STK10: variants seen among roughly 807,000 people sequenced by gnomAD.
STK10 encodes the protein serine/threonine kinase 10.
Under a neutral mutation model 113.8 loss-of-function variants are expected in STK10, and 78 were observed. The ratio of observed to expected loss-of-function variants is 0.69; its 90% CI spans 0.57 to 0.83. The LOEUF is 0.83. Among genes scored for constraint, STK10 ranks in the 40% least tolerant of loss-of-function variants. The pLI is 0.00. For synonymous variants in STK10, 465 were observed against 494.7 expected, an observed-to-expected ratio of 0.94 and a Z score of 0.80; for missense variants, 1,109 against 1,280.1, an observed-to-expected ratio of 0.87 and a Z score of 2.04.
chr5:172,185,712 G>C (rs1450531382), intron 1 of STK10, among the ~76,000 whole-genome samples: 1 of 152,272 alleles, frequency 6.6e-6, no homozygotes, highest in Non-Finnish European at 1.5e-5. Context: ...GTCTAAGGCA[G>C]TCAAGGACAC....
intron 2 of STK10, among the ~76,000 whole-genome samples, chr5:172,155,044 G>C (rs1016400802): frequency 7.7e-6 from 1 of 130,152 alleles, no homozygotes; most frequent in African/African-American, 2.9e-5. Context: ...TTCTTAATGG[G>C]TACATAGTCA....
At chr5:172,111,380 AACC>A (rs1352161176) in intron 4 of STK10, among the ~76,000 whole-genome samples, 1 of 152,066 alleles carries the variant, frequency 6.6e-6, no homozygotes, top group African/African-American at 2.4e-5. Flanking sequence ...GAGAAACAGA[AACC>A]ACCAACGTGC....
chr5:172,074,126 T>C (rs1314872959), intron 12 of STK10, among the ~76,000 whole-genome samples: 6 of 152,276 alleles, frequency 3.9e-5, no homozygotes, highest in Admixed American at 6.5e-5. Context: ...CTCTCCACAC[T>C]GATCTATGAA....
intron 12 of STK10, among the ~76,000 whole-genome samples, chr5:172,080,466 A>G (rs2113728293): frequency 6.6e-6 from 1 of 152,372 alleles, no homozygotes; most frequent in East Asian, 1.9e-4. Flanking sequence ...CCTACACCAG[A>G]CGGTTAGCCA....
intron 9 of STK10, among the ~76,000 whole-genome samples, chr5:172,092,070 T>C (rs751339674): frequency 1.1e-4 from 17 of 152,204 alleles, no homozygotes; most frequent in Non-Finnish European, 2.1e-4. Context: ...GGACCCAGCA[T>C]GCCCGACTCT....
At chr5:172,158,903 T>C (rs913987600) in intron 1 of STK10, among the ~76,000 whole-genome samples, 5 of 152,150 alleles carry the variant, frequency 3.3e-5, no homozygotes, top group South Asian at 4.1e-4. Context: ...TGGGGAGTTA[T>C]TGTTTAGTGG....
Position 172,093,882 on chromosome 5 carries a change from G to A in STK10, c.1084C>T (p.Pro362Ser). The change falls in exon 9 of 19, where the codon CCT becomes TCT. Residue 362 changes from proline (P) to serine (S), a missense_variant. This residue lies in a region of STK10 where 885 missense variants were observed against 991.1 expected (regional missense o/e 0.89). Coordinates refer to ENST00000176763, the MANE Select transcript of STK10 (RefSeq NM_005990.4). This position sits in a 1 kb window ranked among gnomAD's most constrained non-coding sequence, Gnocchi z 4.1. ...TGGCTGGGTGCCAGCGGGGTGGAAG[G>A]TGACTCCTCGAGAGGCTTGTCAGCA... Reference protein sequence around the residue: ...LNADKPLEESPSTPLAPSQSQ... With the variant: ...LNADKPLEESSSTPLAPSQSQ... 6.4e-7 allele frequency: 1 copy of A among 1,564,006 alleles called. No individual in the cohort carries two copies. The highest frequency in any genetic ancestry group is 8.7e-7 in the Non-Finnish European group (1 of 1,151,520).
At chr5:172,110,968 C>T (rs541346841) in intron 4 of STK10, among the ~76,000 whole-genome samples, 2 of 152,120 alleles carry the variant, frequency 1.3e-5, no homozygotes, top group Non-Finnish European at 2.9e-5. Context: ...TTCTGAGCCC[C>T]GGTTAGTGCT....
chr5:172,075,811 T>C (rs1768292785), intron 12 of STK10, among the ~76,000 whole-genome samples: 1 of 152,232 alleles, frequency 6.6e-6, no homozygotes, highest in Admixed American at 6.5e-5. Flanking sequence ...TTTACACCTA[T>C]CAGAATGGCT....
Position 172,044,965 on chromosome 5 carries a change from T to TTGGGGTG in STK10, c.2823_2824insCACCCCA (p.Ser942HisfsTer52). ...GGGTTTGGGCACTCCGCCTCCTCGCTCAGCTTGAAGAACATCTCCTGCTCC... is the reference window on the plus strand; with the variant it reads ...GGGTTTGGGCACTCCGCCTCCTCGCTTGGGGTGCAGCTTGAAGAACATCTCCTGCTCC... On this transcript the variant is annotated frameshift_variant, in exon 19 of 19. Transcript: ENST00000176763. LOFTEE classifies it low-confidence loss of function (END_TRUNC). The surrounding 1 kb of genome is among the most constrained non-coding windows in gnomAD (Gnocchi z 4.5). The TTGGGGTG allele has an allele frequency of 6.2e-7, 1 of 1,614,162 alleles. No homozygotes were observed. The highest frequency in any genetic ancestry group is 8.5e-7 in the Non-Finnish European group (1 of 1,180,026).
chr5:172,048,319 G>C (rs771453817), intron 18 of STK10, among the ~76,000 whole-genome samples: 8 of 151,834 alleles, frequency 5.3e-5, no homozygotes, highest in Non-Finnish European at 1.2e-4. Flanking sequence ...TCTCCAGCCT[G>C]CTGACCTGTC....
chr5:172,119,822 C>T (rs1161416130), intron 3 of STK10, among the ~76,000 whole-genome samples: 2 of 150,696 alleles, frequency 1.3e-5, no homozygotes, highest in African/African-American at 4.9e-5. Flanking sequence ...GGAGATCACG[C>T]CACTGCACTC....
chr5:172,072,285 G>A (rs1452681778), intron 12 of STK10, among the ~76,000 whole-genome samples: 3 of 144,730 alleles, frequency 2.1e-5, no homozygotes, highest in African/African-American at 5.2e-5. Context: ...TTTTTTTTTT[G>A]AGATGGAGTC....
rs1770995662 is a variant in STK10, at chr5:172,188,153, T to C, written c.-111A>G. The C allele has an allele frequency of 7.4e-6, 11 of 1,477,880 alleles. No homozygotes were observed. Among genetic ancestry groups the C allele is most frequent in the Non-Finnish European group, 8.1e-6 (9 of 1,109,138 alleles). 91.5% of individuals were successfully genotyped at this position (1,477,880 alleles called of 1,614,324 possible). On this transcript the variant is annotated 5_prime_UTR_variant, in exon 1 of 19. Coordinates refer to ENST00000176763, the MANE Select transcript of STK10 (RefSeq NM_005990.4). The surrounding 1 kb of genome is among the most constrained non-coding windows in gnomAD (Gnocchi z 5.6). ...TGGAGGACGCCGCGTCTCTCGGGGT[T>C]CTCCCCAGACCCGCCTTTCCCCGCA...
chr5:172,099,863 A>C (rs992572279), intron 7 of STK10, among the ~76,000 whole-genome samples: 4 of 152,236 alleles, frequency 2.6e-5, no homozygotes, highest in African/African-American at 9.6e-5. Flanking sequence ...TGTATTGATC[A>C]AATCAGTGGC....
At chr5:172,121,164 G>A (rs574205702) in intron 3 of STK10, among the ~76,000 whole-genome samples, 2 of 151,792 alleles carry the variant, frequency 1.3e-5, no homozygotes, top group East Asian at 3.9e-4. Context: ...GAGTAGCTGG[G>A]ATGACAGGCA....
chr5:172,116,700 T>C lies in STK10; in HGVS notation c.520+781A>G, dbSNP rs142600837. 1.8e-3 allele frequency among the ~76,000 whole-genome samples: 269 copies of C among 151,110 alleles called. 4 individuals are homozygous for C. In the East Asian group the frequency reaches 0.041, roughly 23 times the overall value. Reference sequence around the variant, plus strand: ...CTGGCCAACATGGTGAAACCCGGTCTCTACTAAAAATACAAAAATTAGCCA... The same window carrying C: ...CTGGCCAACATGGTGAAACCCGGTCCCTACTAAAAATACAAAAATTAGCCA... On this transcript the variant is annotated intron_variant, in intron 4 of 18. Transcript: ENST00000176763.
chr5:172,180,911 A>C (rs1459748609), intron 1 of STK10, among the ~76,000 whole-genome samples: 1 of 152,270 alleles, frequency 6.6e-6, no homozygotes, highest in Non-Finnish European at 1.5e-5. Flanking sequence ...ACTTTGCTCC[A>C]ACACCATCAA....
intron 12 of STK10, among the ~76,000 whole-genome samples, chr5:172,076,891 A>C (rs1023029684): frequency 6.7e-6 from 1 of 149,358 alleles, no homozygotes. Context: ...TTTCCAGGAC[A>C]GACAATTAGA....
Sources: allele counts gnomAD v4.1 joint callset (sites outside exome capture counted in the v4.1 genomes callset), GRCh38; gene constraint gnomAD v4.1.1; regional missense constraint gnomAD v4.1.1; non-coding constraint Gnocchi (gnomAD v3.1); transcripts MANE v1.5; gene names NCBI Gene and HGNC (gene_info 2026-07-23, HGNC 2026-07-21).